ZNF487: variants seen among roughly 807,000 people sequenced by gnomAD.
ZNF487 encodes the protein zinc finger protein 487.
In ZNF487, 4 loss-of-function variants were observed where a neutral mutation model predicts 3.0. The ratio of observed to expected loss-of-function variants is 1.35; its 90% CI spans 0.66 to 3.08. ZNF487 has a LOEUF of 3.08. Among genes scored for constraint, ZNF487 ranks in the 30% most tolerant of loss-of-function variants. ZNF487 has a pLI of 0.01. For missense variants in ZNF487, 146 were observed against 98.7 expected, an observed-to-expected ratio of 1.48 and a Z score of -2.03; for synonymous variants, 55 against 34.6, an observed-to-expected ratio of 1.59 and a Z score of -2.06.
chr10:43,456,622 C>A (rs1840213962), intron 1 of ZNF487, among the ~76,000 whole-genome samples: 1 of 152,118 alleles, frequency 6.6e-6, no homozygotes. Context: ...GCTCTGTCGC[C>A]CAGGCTGGCG....
the ZNF487 span, among the ~76,000 whole-genome samples, chr10:43,516,427 TG>T: frequency 6.6e-6 from 1 of 152,208 alleles, no homozygotes; most frequent in Non-Finnish European, 1.5e-5. Flanking sequence ...TACCAAAATC[TG>T]TATTACGGTT....
chr10:43,520,101 A>C, the ZNF487 span, among the ~76,000 whole-genome samples: 1 of 152,304 alleles, frequency 6.6e-6, no homozygotes, highest in African/African-American at 2.4e-5. Flanking sequence ...TGCATTATTC[A>C]TGTACACAAA....
chr10:43,486,940 C>T (rs1841476168), downstream of ZNF487, among the ~76,000 whole-genome samples: 1 of 152,158 alleles, frequency 6.6e-6, no homozygotes, highest in Non-Finnish European at 1.5e-5. Flanking sequence ...GGTATTTATT[C>T]TGTGTCAGAT....
chr10:43,514,657 A>C, the ZNF487 span, among the ~76,000 whole-genome samples: 1 of 152,154 alleles, frequency 6.6e-6, no homozygotes, highest in Admixed American at 6.5e-5. Context: ...CTTGCCTTTG[A>C]TGGTTGAGTG....
the ZNF487 span, chr10:43,495,940 A>G: frequency 2.1e-6 from 1 of 472,192 alleles, no homozygotes; most frequent in Non-Finnish European, 4.3e-6. Context: ...AGTGAACATG[A>G]CAAGATATTA....
chr10:43,467,516 G>C (rs980236073), intron 1 of ZNF487, among the ~76,000 whole-genome samples: 1 of 150,872 alleles, frequency 6.6e-6, no homozygotes, highest in Non-Finnish European at 1.5e-5. Context: ...AACTTTTATT[G>C]TTTAAGAAAT....
the ZNF487 span, among the ~76,000 whole-genome samples, chr10:43,489,816 A>G: frequency 6.6e-6 from 1 of 152,250 alleles, no homozygotes; most frequent in Non-Finnish European, 1.5e-5. Context: ...CATAAAAAAT[A>G]CTAAATCCAA....
chr10:43,457,178 G>A (rs973009650), intron 1 of ZNF487, among the ~76,000 whole-genome samples: 3 of 152,040 alleles, frequency 2.0e-5, no homozygotes, highest in Non-Finnish European at 2.9e-5. Context: ...CCCGGAAGGC[G>A]GAGGTTGTAG....
chr10:43,522,872 A>G, the ZNF487 span, among the ~76,000 whole-genome samples: 103,711 of 151,704 alleles, frequency 0.68, 35,799 homozygotes, highest in East Asian at 1. Flanking sequence ...CTTTGCCGTC[A>G]CCCCTCAAAC....
the ZNF487 span, among the ~76,000 whole-genome samples, chr10:43,509,769 C>A: frequency 5.3e-5 from 8 of 152,006 alleles, no homozygotes; most frequent in East Asian, 1.4e-3. Flanking sequence ...CTTTCCCAGC[C>A]CACTGACTCA....
the ZNF487 span, among the ~76,000 whole-genome samples, chr10:43,512,330 C>G: frequency 6.6e-6 from 1 of 152,158 alleles, no homozygotes; most frequent in Non-Finnish European, 1.5e-5. Context: ...TCACTTGTGC[C>G]TTCAGGACCT....
chr10:43,502,800 C>T, the ZNF487 span, among the ~76,000 whole-genome samples: 2 of 152,056 alleles, frequency 1.3e-5, no homozygotes, highest in South Asian at 4.1e-4. Flanking sequence ...CGGGGCCAAG[C>T]CGGGTGAATC....
chr10:43,460,227 T>G (rs970279684), intron 1 of ZNF487, among the ~76,000 whole-genome samples: 3 of 152,164 alleles, frequency 2.0e-5, no homozygotes, highest in Non-Finnish European at 4.4e-5. Flanking sequence ...TTGAGTTAAT[T>G]TTATTAATGT....
chr10:43,455,007 T>C (rs1840127688), intron 1 of ZNF487, among the ~76,000 whole-genome samples: 1 of 148,596 alleles, frequency 6.7e-6, no homozygotes, highest in Admixed American at 6.8e-5. Flanking sequence ...TCTTTTAGTT[T>C]GCACTTTTTT....
downstream of ZNF487, among the ~76,000 whole-genome samples, chr10:43,485,945 C>T (rs192433133): frequency 1.1e-4 from 16 of 150,132 alleles, no homozygotes; most frequent in Non-Finnish European, 2.1e-4. Context: ...CAGTTACACT[C>T]TCTGGCATTT....
chr10:43,468,621 G>A (rs1840789116), intron 1 of ZNF487, among the ~76,000 whole-genome samples: 1 of 146,844 alleles, frequency 6.8e-6, no homozygotes, highest in African/African-American at 2.5e-5. Flanking sequence ...AGAGGTTGTG[G>A]CGAGCTGCGA....
intron 1 of ZNF487, among the ~76,000 whole-genome samples, chr10:43,465,669 T>A (rs939311772): frequency 3.5e-5 from 5 of 143,800 alleles, no homozygotes; most frequent in Admixed American, 1.4e-4. Flanking sequence ...CTAGATGGGA[T>A]GGCGGGCGGG....
At chr10:43,461,389 A>G (rs1296383554) in intron 1 of ZNF487, among the ~76,000 whole-genome samples, 1 of 151,264 alleles carries the variant, frequency 6.6e-6, no homozygotes, top group Non-Finnish European at 1.5e-5. Context: ...TGATGATCAT[A>G]ACTCACCTCT....
At chr10:43,499,515 C>G in the ZNF487 span, among the ~76,000 whole-genome samples, 1 of 152,062 alleles carries the variant, frequency 6.6e-6, no homozygotes. Context: ...CTTCTAGGCT[C>G]AAGCGATCTG....
Sources: gnomAD v4.1 joint callset for allele counts (sites outside exome capture counted in the v4.1 genomes callset) on GRCh38, gnomAD v4.1.1 for gene constraint, MANE v1.5 for transcripts, NCBI Gene and HGNC (gene_info 2026-07-23, HGNC 2026-07-21) for gene names.